Variants in IQCH observed in about 807,000 individuals in gnomAD.
IQCH encodes the protein IQ domain-containing protein H.
In IQCH, 98 loss-of-function variants were observed where a neutral mutation model predicts 117.0. The observed-to-expected ratio is 0.84, with a 90% CI of 0.71 to 0.99. IQCH has a LOEUF of 0.99. Among genes scored for constraint, IQCH ranks in the 50% least tolerant of loss-of-function variants. The pLI is 0.00. For synonymous variants in IQCH, 412 were observed against 448.2 expected (o/e 0.92, Z 1.02); for missense variants, 1,102 against 1,243.8 (o/e 0.89, Z 1.72).
rs956228116 is a variant in IQCH at position 67,395,652 on chromosome 15, C to T, written c.1905+89C>T. ...ATTTCCAAGTCTTCTGGAGCCAGAC[C>T]TACCCAATGAAGAATAGGTGGAATA... On this transcript the variant is annotated intron_variant, in intron 13 of 20. Transcript: ENST00000335894. This position sits in a 1 kb window ranked among gnomAD's most constrained non-coding sequence, Gnocchi z 4.0. 2.0e-5 allele frequency: 23 copies of T among 1,172,882 alleles called. No individual in the cohort carries two copies. The highest frequency in any genetic ancestry group is 2.7e-5 in the Non-Finnish European group (22 of 816,618). 72.7% of individuals were successfully genotyped at this position (1,172,882 alleles called of 1,614,324 possible). A position where few individuals can be genotyped will look rare whatever the true frequency, so the allele number is the denominator to read the frequency against.
At chr15:67,358,198 C>CTTTTTTTTTTTTTTTTTTTTT (rs1190464651) in intron 7 of IQCH, among the ~76,000 whole-genome samples, 3 of 5,456 alleles carry the variant, frequency 5.5e-4, no homozygotes, top group Non-Finnish European at 1.2e-3. Context: ...TCATGAGGCA[C>CTTTTTTTTTTTTTTTTTTTTT]TTTCTTTTCT....
intron 8 of IQCH, among the ~76,000 whole-genome samples, chr15:67,368,983 T>A (rs1970428092): frequency 1.3e-5 from 2 of 152,140 alleles, no homozygotes; most frequent in Non-Finnish European, 2.9e-5. Context: ...ACTCCTGGGC[T>A]CAAGCAATCC....
intron 3 of IQCH, among the ~76,000 whole-genome samples, chr15:67,265,383 C>G (rs1430411364): frequency 6.6e-6 from 1 of 152,172 alleles, no homozygotes; most frequent in East Asian, 1.9e-4. Flanking sequence ...CATATCTTTC[C>G]TATTCAGTAC....
In IQCH at chr15:67,458,401, C is replaced by A. The variant is rs1197793157; in HGVS notation, c.2506-6726C>A. On this transcript the variant is annotated intron_variant, in intron 16 of 20. Coordinates refer to ENST00000335894, the MANE Select transcript of IQCH (RefSeq NM_001031715.3). This position sits in a 1 kb window ranked among gnomAD's most constrained non-coding sequence, Gnocchi z 4.1. ...AAAAATATCTATAATACAACCACTT[C>A]TCCCACCTTCCAGTTACCAGTGTGG... is the stretch of plus-strand genomic sequence containing the variant. 6.6e-6 allele frequency among the ~76,000 whole-genome samples: 1 copy of A among 152,240 alleles called. No homozygotes were observed. Among genetic ancestry groups the A allele is most frequent in the Non-Finnish European group, 1.5e-5 (1 of 68,040 alleles).
chr15:67,282,841 A>G (rs963778360), intron 4 of IQCH, among the ~76,000 whole-genome samples: 2 of 152,216 alleles, frequency 1.3e-5, no homozygotes, highest in African/African-American at 4.8e-5. Context: ...AGCTTAAATG[A>G]CAAACAGTTA....
At chr15:67,435,926 G>A (rs1048918430) in intron 16 of IQCH, among the ~76,000 whole-genome samples, 8 of 151,866 alleles carry the variant, frequency 5.3e-5, no homozygotes, top group Admixed American at 2.6e-4. Flanking sequence ...AGGTTATCTG[G>A]GGGTCTTTGC....
At chr15:67,306,822 C>T in intron 4 of IQCH, 1 of 1,528,852 alleles carries the variant, frequency 6.5e-7, no homozygotes, top group Non-Finnish European at 8.8e-7. Flanking sequence ...AACATTTTTT[C>T]TAGTAGGTCC....
At chr15:67,272,524 T>C (rs1965941188) in intron 3 of IQCH, among the ~76,000 whole-genome samples, 1 of 152,218 alleles carries the variant, frequency 6.6e-6, no homozygotes, top group South Asian at 2.1e-4. Context: ...AGTGGGGTGC[T>C]AAAGTCCCTT....
Position 67,430,754 on chromosome 15 carries a change from TATAAGCCA to T in IQCH, c.2505+9178_2505+9185del, listed in dbSNP as rs1380740019. ...AAGTGTTTATTGAGCATCTATTATG[TATAAGCCA>T]TAATGCTAGGTGCTAGAGAAGCTAC... On this transcript the variant is annotated intron_variant, in intron 16 of 20. Transcript: ENST00000335894. The surrounding 1 kb of genome is among the most constrained non-coding windows in gnomAD (Gnocchi z 5.1). Among the ~76,000 whole-genome samples the T allele has an allele frequency of 6.6e-6, 1 of 152,210 alleles. No individual in the cohort carries two copies. The highest frequency in any genetic ancestry group is 1.5e-5 in the Non-Finnish European group (1 of 68,034).
At position 67,493,838 on chromosome 15, in the gene IQCH, G is replaced by A. The variant is rs548768647; in HGVS notation, c.2862-420G>A. On this transcript the variant is annotated intron_variant, in intron 19 of 20. Transcript: ENST00000335894. This position sits in a 1 kb window ranked among gnomAD's most constrained non-coding sequence, Gnocchi z 5.1. ...CTCACCCCACGACAGGCCCCGGTGT[G>A]TGATGTTCCCTACCCTGTGTCCAAG... Among the ~76,000 whole-genome samples the A allele has an allele frequency of 4.6e-5, 7 of 152,220 alleles. No individual in the cohort carries two copies. The South Asian group carries it at 1.2e-3, about 27-fold the overall frequency.
In IQCH at chr15:67,304,381, A is replaced by C. The variant is rs1354924079; in HGVS notation, c.387+24869A>C. 4 of 1,534,756 alleles carry C rather than the reference A, an allele frequency of 2.6e-6. No individual in the cohort carries two copies. The East Asian group carries it at 7.4e-5, about 28-fold the overall frequency. ...TGTAAAAATCTTGCAGGATCCTGAAAACATCCACCACAGAGCTGCTGTAAA... is the reference window on the plus strand; with the variant it reads ...TGTAAAAATCTTGCAGGATCCTGAACACATCCACCACAGAGCTGCTGTAAA... On this transcript the variant is annotated intron_variant, in intron 4 of 20. Transcript: ENST00000335894.
chr15:67,477,350 A>G (rs1336583428), intron 18 of IQCH, among the ~76,000 whole-genome samples: 1 of 151,618 alleles, frequency 6.6e-6, no homozygotes, highest in East Asian at 1.9e-4. Flanking sequence ...CCCAGCCCCA[A>G]ATTTTATACG....
chr15:67,372,569 T>C lies in IQCH; in HGVS notation c.1212T>C (p.Ile404=), dbSNP rs751621540. The C allele has an allele frequency of 5.0e-6, 8 of 1,614,066 alleles. 1 individual carries two copies. The South Asian group carries it at 6.6e-5, about 13-fold the overall frequency. The change falls in exon 9 of 21, where the codon ATT becomes ATC. Residue 404 remains isoleucine (I), a synonymous_variant. Coordinates refer to ENST00000335894, the MANE Select transcript of IQCH (RefSeq NM_001031715.3). ...QQKWASGVIA[I]AWLLYCHKTR... is the part of the protein sequence containing the mutation. Reference sequence around the variant, plus strand: ...AGTGGGCATCAGGTGTGATTGCCATTGCTTGGCTGTTATATTGCCATAAGA... The same window carrying C: ...AGTGGGCATCAGGTGTGATTGCCATCGCTTGGCTGTTATATTGCCATAAGA...
chr15:67,274,875 A>G (rs1467177664), intron 3 of IQCH, among the ~76,000 whole-genome samples: 1 of 152,010 alleles, frequency 6.6e-6, no homozygotes, highest in African/African-American at 2.4e-5. Flanking sequence ...TTGGCACTAG[A>G]TGGCAACTTA....
chr15:67,436,580 G>A lies in IQCH; in HGVS notation c.2505+15003G>A, dbSNP rs1023937058. 3.3e-5 allele frequency among the ~76,000 whole-genome samples: 5 copies of A among 152,168 alleles called. No individual in the cohort carries two copies. The highest frequency in any genetic ancestry group is 1.2e-4 in the African/African-American group (5 of 41,422). On this transcript the variant is annotated intron_variant, in intron 16 of 20. Transcript: ENST00000335894. The surrounding 1 kb of genome is among the most constrained non-coding windows in gnomAD (Gnocchi z 5.1). ...GAGAAGCCTCCTGGCGAGAACTCAG[G>A]GGAGGGCACAAATCCGGTGTGCAGA...
intron 18 of IQCH, among the ~76,000 whole-genome samples, chr15:67,488,305 T>C (rs1020605772): frequency 1.3e-5 from 2 of 152,088 alleles, no homozygotes; most frequent in Non-Finnish European, 2.9e-5. Context: ...GGTGACAGAG[T>C]GAGACCCTGT....
At chr15:67,357,294 G>A in intron 6 of IQCH, 51 bp from the exon 7 acceptor site, 1 of 1,253,260 alleles carries the variant, frequency 8.0e-7, no homozygotes, top group South Asian at 1.2e-5. Context: ...TCCAACCAGT[G>A]ACTCAGCCTC....
intron 3 of IQCH, among the ~76,000 whole-genome samples, chr15:67,276,716 AT>A (rs1435108940): frequency 1.3e-5 from 2 of 151,538 alleles, no homozygotes; most frequent in African/African-American, 2.4e-5. Context: ...AGGTAAGGTA[AT>A]TTTTTTTCTC....
At chr15:67,372,817 C>T (rs1039124388) in intron 9 of IQCH, among the ~76,000 whole-genome samples, 155 bp downstream of exon 9, 1 of 152,018 alleles carries the variant, frequency 6.6e-6, no homozygotes, top group African/African-American at 2.4e-5. Context: ...ATGTATGATG[C>T]ACAAACCCCA....
Sources: gnomAD v4.1 joint callset for allele counts (sites outside exome capture counted in the v4.1 genomes callset) on GRCh38, gnomAD v4.1.1 for gene constraint, Gnocchi (gnomAD v3.1) non-coding constraint, MANE v1.5 for transcripts, NCBI Gene and HGNC (gene_info 2026-07-23, HGNC 2026-07-21) for gene names.